The following C2CD3 variants were observed in gnomAD, a reference collection of about 807,000 sequenced individuals.
C2CD3 encodes the protein C2 domain containing 3 centriole elongation regulator, also known as C2 domain-containing protein 3.
Under a neutral mutation model 234.0 loss-of-function variants are expected in C2CD3, and 148 were observed. The observed-to-expected ratio is 0.63, with a 90% confidence interval of 0.55 to 0.72. The LOEUF (loss-of-function observed/expected upper bound fraction) is 0.72, where lower values mean the gene tolerates loss of function less well. Ranked by LOEUF, C2CD3 falls within the 30% of genes least tolerant of loss-of-function variation. The pLI is 0.00. For missense variants in C2CD3, 2,577 were observed against 2,811.5 expected (o/e 0.92, Z 1.89); for synonymous variants, 1,000 against 1,035.4 (o/e 0.97, Z 0.66).
At chr11:74,152,240 GT>G (rs1855714269) in intron 3 of C2CD3, among the ~76,000 whole-genome samples, 1 of 152,060 alleles carries the variant, frequency 6.6e-6, no homozygotes, top group African/African-American at 2.4e-5. Flanking sequence ...TGCTTTAGAC[GT>G]TTAAAGACAG....
chr11:74,121,782 A>G (rs942128774), intron 8 of C2CD3, among the ~76,000 whole-genome samples: 3 of 152,140 alleles, frequency 2.0e-5, no homozygotes, highest in Non-Finnish European at 4.4e-5. Context: ...TAAATGTGTA[A>G]TAAATATTTC....
intron 26 of C2CD3, among the ~76,000 whole-genome samples, chr11:74,053,196 C>CTAA: frequency 6.6e-6 from 1 of 152,272 alleles, no homozygotes; most frequent in Admixed American, 6.5e-5. Context: ...TGGGCTTCAG[C>CTAA]TTTTACAGCT....
chr11:74,087,196 T>C (rs1462251432), intron 20 of C2CD3, among the ~76,000 whole-genome samples: 1 of 152,186 alleles, frequency 6.6e-6, no homozygotes, highest in Admixed American at 6.5e-5. Flanking sequence ...ATCCATACAA[T>C]AGTATACCAT....
At chr11:74,139,363 T>G (rs1000939005) in intron 4 of C2CD3, among the ~76,000 whole-genome samples, 1 of 152,206 alleles carries the variant, frequency 6.6e-6, no homozygotes, top group African/African-American at 2.4e-5. Flanking sequence ...CATTTATCTG[T>G]ATGTTGGCTT....
rs1437215284 is a variant in C2CD3, at chr11:74,098,146, G to A, written c.2842C>T (p.Arg948Ter). The A allele has an allele frequency of 2.5e-6, 4 of 1,613,968 alleles. No homozygotes were observed. Among genetic ancestry groups the A allele is most frequent in the Non-Finnish European group, 2.5e-6 (3 of 1,179,964 alleles). Reference sequence around the variant, plus strand: ...GAAGAACCCATAGCTAAAAAGACTCGAAGACTCCCATTTTGGTGGCCTGAA... The same window carrying A: ...GAAGAACCCATAGCTAAAAAGACTCAAAGACTCCCATTTTGGTGGCCTGAA... ...VFSGHQNGSL[R>*]VFLAMGSSNQ... Residue 948 changes from arginine (R) to a stop codon, truncating the protein, a stop_gained, in exon 16 of 33, where the codon CGA becomes TGA. Coordinates refer to ENST00000334126, the MANE Select transcript of C2CD3 (RefSeq NM_001286577.2). LOFTEE classifies it high-confidence loss of function.
intron 8 of C2CD3, among the ~76,000 whole-genome samples, chr11:74,119,111 T>C (rs1424287154): frequency 6.6e-6 from 1 of 151,928 alleles, no homozygotes; most frequent in African/African-American, 2.4e-5. Flanking sequence ...AGTTTGGCCA[T>C]GTTGCTCAGG....
intron 28 of C2CD3, among the ~76,000 whole-genome samples, chr11:74,046,694 C>A (rs140793902): frequency 2.0e-3 from 297 of 152,228 alleles, no homozygotes; most frequent in Middle Eastern, 6.8e-3. Flanking sequence ...ATTTTGTTGT[C>A]TATCAGTAAT....
At chr11:74,090,696 G>A (rs1431327508) in intron 20 of C2CD3, 117 bp downstream of exon 20, 2 of 1,066,336 alleles carry the variant, frequency 1.9e-6, no homozygotes, top group African/African-American at 1.6e-5. Context: ...CAGAAAAAGA[G>A]GAGTTGTGGT....
Position 74,106,482 on chromosome 11 carries a change from A to G in C2CD3, c.1974T>C (p.Ile658=). Residue 658 remains isoleucine, a synonymous_variant, in exon 13 of 33, where the codon ATT becomes ATC. Transcript: ENST00000334126. The stretch of plus-strand genomic sequence containing the variant: ...CTCGCAAAGAAAGTGACACAGATCC[A>G]ATGACTTCTGGCTGAGAAAGAAGGA... The part of the protein sequence containing the change: ...KKTPQKKPEV[I]GSVSLSLRAV... The G allele has an allele frequency of 1.2e-6, 2 of 1,613,976 alleles. No individual in the cohort carries two copies. The highest frequency in any genetic ancestry group is 8.5e-7 in the Non-Finnish European group (1 of 1,179,878).
At chr11:74,020,538 C>T (rs188049745) in intron 32 of C2CD3, among the ~76,000 whole-genome samples, 547 of 152,304 alleles carry the variant, frequency 3.6e-3, no homozygotes, top group Non-Finnish European at 6.3e-3. Flanking sequence ...GAGTCCAGTG[C>T]GTTTCCAAGA....
chr11:74,133,534 G>A lies in C2CD3; in HGVS notation c.979C>T (p.Leu327=), dbSNP rs1565332259. Reference sequence around the variant, plus strand: ...GCAGAAATCACCATGGCATTACGCAGTTTATTGCCTTGTTCTAACAGAGCT... The same window carrying A: ...GCAGAAATCACCATGGCATTACGCAATTTATTGCCTTGTTCTAACAGAGCT... ...LSALLEQGNK[L]RNAMVISAMK... is the part of the protein sequence containing the mutation. Residue 327 remains leucine (L), a synonymous_variant, in exon 6 of 33, where the codon CTG becomes TTG. Coordinates refer to ENST00000334126, the MANE Select transcript of C2CD3 (RefSeq NM_001286577.2). The A allele has an allele frequency of 6.2e-7, 1 of 1,614,084 alleles. No individual in the cohort carries two copies. Among genetic ancestry groups the A allele is most frequent in the Non-Finnish European group, 8.5e-7 (1 of 1,179,984 alleles).
chr11:74,110,579 C>A (rs1035642271), intron 11 of C2CD3: 1 of 152,186 alleles, frequency 6.6e-6, no homozygotes, highest in African/African-American at 2.4e-5. Context: ...GGAGGATGAA[C>A]TGAGGTAATA....
chr11:74,037,753 C>G (rs1952812115), intron 29 of C2CD3, 55 bp from the exon 30 acceptor site: 1 of 1,346,134 alleles, frequency 7.4e-7, no homozygotes, highest in Admixed American at 1.9e-5. Flanking sequence ...AGATTATGAA[C>G]ATCTCTTATG....
At chr11:74,077,693 G>T (rs549351667) in intron 23 of C2CD3, among the ~76,000 whole-genome samples, 2 of 145,426 alleles carry the variant, frequency 1.4e-5, no homozygotes, top group East Asian at 4.2e-4. Flanking sequence ...CAGGTTGATG[G>T]GTGCAGCAAA....
At chr11:74,117,156 G>T (rs1163972432) in intron 9 of C2CD3, among the ~76,000 whole-genome samples, 1 of 28,634 alleles carries the variant, frequency 3.5e-5, no homozygotes, top group Non-Finnish European at 5.6e-5. Flanking sequence ...ATATATATAT[G>T]AATATATATA....
At chr11:74,113,679 CAAAAAAAAA>C in intron 11 of C2CD3, 92 bp downstream of exon 11, 4 of 479,880 alleles carry the variant, frequency 8.3e-6, no homozygotes, top group East Asian at 3.8e-5. Flanking sequence ...GACTCCATGT[CAAAAAAAAA>C]AAAAAAAAAA....
At chr11:74,041,176 C>T (rs58727177) in intron 29 of C2CD3, among the ~76,000 whole-genome samples, 14,868 of 151,986 alleles carry the variant, frequency 0.098, 1,992 homozygotes, top group African/African-American at 0.31. Flanking sequence ...TTCCTTCCTC[C>T]AACACCTTTC....
chr11:74,146,172 A>G (rs1277910052), intron 3 of C2CD3, among the ~76,000 whole-genome samples: 1 of 152,208 alleles, frequency 6.6e-6, no homozygotes, highest in East Asian at 1.9e-4. Context: ...GCAGTTACAT[A>G]TTAAGATTAA....
intron 8 of C2CD3, among the ~76,000 whole-genome samples, chr11:74,119,706 G>C (rs888766795): frequency 8.1e-5 from 12 of 148,144 alleles, no homozygotes; most frequent in African/African-American, 2.8e-4. Context: ...CGCAATCTCC[G>C]CTCACTGCAA....
Sources: allele counts gnomAD v4.1 joint callset (sites outside exome capture counted in the v4.1 genomes callset), GRCh38; gene constraint gnomAD v4.1.1; transcripts MANE v1.5; gene names NCBI Gene and HGNC (gene_info 2026-07-23, HGNC 2026-07-21).